Variants in PDE4B observed in about 807,000 individuals in gnomAD.
PDE4B encodes the protein 3',5'-cyclic-AMP phosphodiesterase 4B.
In PDE4B, 20 loss-of-function variants were observed where a neutral mutation model predicts 82.2. The ratio of observed to expected loss-of-function variants is 0.24; its 90% CI spans 0.17 to 0.35. The LOEUF (loss-of-function observed/expected upper bound fraction) is 0.35, where lower values mean the gene tolerates loss of function less well. Among genes scored for constraint, PDE4B ranks in the 10% least tolerant of loss-of-function variants. PDE4B has a pLI of 1.00. For missense variants in PDE4B, 655 were observed against 907.2 expected (o/e 0.72, Z 3.57); for synonymous variants, 320 against 318.9 (o/e 1.00, Z -0.04).
intron 3 of PDE4B, among the ~76,000 whole-genome samples, chr1:66,131,638 T>TATATATATATATATATATA (rs1553149837): frequency 1.3e-4 from 16 of 120,266 alleles, no homozygotes; most frequent in East Asian, 2.6e-4. Context: ...TATATATATA[T>TATATATATATATATATATA]TACTAACCAG....
At chr1:66,026,999 G>C (rs367562601) in intron 3 of PDE4B, among the ~76,000 whole-genome samples, 2 of 152,150 alleles carry the variant, frequency 1.3e-5, no homozygotes, top group East Asian at 1.9e-4. Context: ...CTATTAGTTT[G>C]TGCCAGTGTT....
chr1:66,116,211 G>T (rs1374671431), intron 3 of PDE4B, among the ~76,000 whole-genome samples: 5 of 151,500 alleles, frequency 3.3e-5, no homozygotes, highest in African/African-American at 1.2e-4. Flanking sequence ...CTATTTCTGG[G>T]TTTTTTTTTT....
At chr1:65,995,746 A>G (rs1291747204) in intron 3 of PDE4B, among the ~76,000 whole-genome samples, 1 of 152,194 alleles carries the variant, frequency 6.6e-6, no homozygotes, top group Admixed American at 6.5e-5. Context: ...CCATGCACTT[A>G]AGTTAGAAAT....
In PDE4B at chr1:65,823,555, C is replaced by A. The variant is rs140394939; in HGVS notation, c.-71+30307C>A. 1.3e-3 allele frequency among the ~76,000 whole-genome samples: 192 copies of A among 152,214 alleles called. 2 individuals carry two copies. The East Asian group carries it at 0.019, about 15-fold the overall frequency. On this transcript the variant is annotated intron_variant, in intron 1 of 16. Coordinates refer to ENST00000341517, the MANE Select transcript of PDE4B (RefSeq NM_002600.4). ...CCCTTGCCATGTTATAACGTCTCAT[C>A]TGTTTGCAGTACTCTTTTTACTGGT... is the stretch of plus-strand genomic sequence containing the variant.
At chr1:66,010,039 T>G (rs1276177419) in intron 3 of PDE4B, among the ~76,000 whole-genome samples, 1 of 152,054 alleles carries the variant, frequency 6.6e-6, no homozygotes, top group African/African-American at 2.4e-5. Context: ...GAACTTTGTC[T>G]ATTTTATTCA....
chr1:66,095,302 G>A (rs1281003199), intron 3 of PDE4B, among the ~76,000 whole-genome samples: 1 of 151,796 alleles, frequency 6.6e-6, no homozygotes, highest in East Asian at 1.9e-4. Flanking sequence ...TAAAATTTGG[G>A]TAGTCATACC....
intron 1 of PDE4B, among the ~76,000 whole-genome samples, chr1:65,903,592 A>G (rs979283270): frequency 2.0e-5 from 3 of 152,172 alleles, no homozygotes; most frequent in Non-Finnish European, 4.4e-5. Context: ...AATAATTTTT[A>G]AAAAATTTAA....
intron 3 of PDE4B, among the ~76,000 whole-genome samples, chr1:66,019,523 T>G (rs955766233): frequency 6.6e-6 from 1 of 151,880 alleles, no homozygotes; most frequent in African/African-American, 2.4e-5. Context: ...GCCTGGCTCA[T>G]TTTTGTATTT....
At chr1:66,255,705 T>A (rs1245517366) in intron 4 of PDE4B, among the ~76,000 whole-genome samples, 1 of 152,252 alleles carries the variant, frequency 6.6e-6, no homozygotes, top group Admixed American at 6.5e-5. Context: ...ATTGTCATGT[T>A]TCCTTTGGAC....
chr1:66,166,675 A>G (rs1304749374), intron 3 of PDE4B, among the ~76,000 whole-genome samples: 1 of 151,324 alleles, frequency 6.6e-6, no homozygotes, highest in East Asian at 2.0e-4. Context: ...TGGAAATTGC[A>G]GTGAGCTGAG....
At chr1:65,846,487 C>A (rs1207330177) in intron 1 of PDE4B, among the ~76,000 whole-genome samples, 1 of 152,130 alleles carries the variant, frequency 6.6e-6, no homozygotes, top group South Asian at 2.1e-4. Context: ...TAATAAAAAT[C>A]AAGTTTCAGT....
intron 3 of PDE4B, among the ~76,000 whole-genome samples, chr1:66,153,925 T>G (rs545332413): frequency 1.3e-5 from 2 of 152,244 alleles, no homozygotes; most frequent in South Asian, 2.1e-4. Flanking sequence ...GTTGCTAAGA[T>G]GCCTGATATA....
At chr1:66,146,548 G>C (rs1314624465) in intron 3 of PDE4B, among the ~76,000 whole-genome samples, 1 of 152,084 alleles carries the variant, frequency 6.6e-6, no homozygotes, top group African/African-American at 2.4e-5. Flanking sequence ...CAGCTAAACA[G>C]TTACCACTGT....
Position 66,277,645 on chromosome 1 carries a change from C to T in PDE4B, c.634+11558C>T, listed in dbSNP as rs549848667. Among the ~76,000 whole-genome samples the T allele has an allele frequency of 7.7e-4, 117 of 152,320 alleles. 1 individual carries two copies. Among genetic ancestry groups the T allele is most frequent in the Admixed American group, 3.7e-3 (56 of 15,304 alleles). The stretch of plus-strand genomic sequence containing the variant: ...TCCTAACCTCGTGATCTGCGTGCCT[C>T]GGCCTCCCAAAGTGCTGGGATTACA... On this transcript the variant is annotated intron_variant, in intron 7 of 16. Transcript: ENST00000341517.
intron 1 of PDE4B, among the ~76,000 whole-genome samples, chr1:65,864,324 G>T (rs754975562): frequency 5.3e-5 from 8 of 151,936 alleles, no homozygotes; most frequent in Non-Finnish European, 1.0e-4. Flanking sequence ...TTAGCTCAGA[G>T]GAGTTTGTTA....
chr1:66,372,743 C>A lies in PDE4B; in HGVS notation c.*65C>A. The A allele has an allele frequency of 6.6e-7, 1 of 1,524,874 alleles. No homozygotes were observed. Among genetic ancestry groups the A allele is most frequent in the Non-Finnish European group, 8.9e-7 (1 of 1,124,928 alleles). The allele number at this position is 1,524,874 out of a possible 1,614,324, so 94.5% of individuals were successfully genotyped here. On this transcript the variant is annotated 3_prime_UTR_variant, in exon 17 of 17. Transcript: ENST00000341517. ...GAGCATGCCAGCTATGTGGTAGGGC[C>A]AGCCCACCATGGGGGCCAAGACCTG...
intron 1 of PDE4B, among the ~76,000 whole-genome samples, chr1:65,896,697 T>C (rs149307664): frequency 4.6e-5 from 7 of 152,310 alleles, no homozygotes; most frequent in African/African-American, 1.7e-4. Context: ...TCATTCATGA[T>C]TATATATAGT....
At chr1:66,270,709 A>T (rs1443559727) in intron 7 of PDE4B, among the ~76,000 whole-genome samples, 2 of 152,230 alleles carry the variant, frequency 1.3e-5, no homozygotes, top group Admixed American at 1.3e-4. Context: ...GACAAATAGG[A>T]ATAAAATCAA....
intron 1 of PDE4B, among the ~76,000 whole-genome samples, chr1:65,818,689 T>C (rs887162497): frequency 1.8e-4 from 27 of 147,118 alleles, no homozygotes; most frequent in African/African-American, 6.8e-4. Flanking sequence ...CACACACATA[T>C]ATATATATAT....
Sources: allele counts gnomAD v4.1 joint callset (sites outside exome capture counted in the v4.1 genomes callset), GRCh38; gene constraint gnomAD v4.1.1; transcripts MANE v1.5; gene names NCBI Gene and HGNC (gene_info 2026-07-23, HGNC 2026-07-21).